FOCAD: variants seen among roughly 807,000 people sequenced by gnomAD.
FOCAD encodes the protein KIAA1797.
FOCAD carries 198 observed loss-of-function variants against 225.6 expected under a neutral mutation model. The observed-to-expected ratio is 0.88, with a 90% confidence interval of 0.78 to 0.99. The LOEUF (loss-of-function observed/expected upper bound fraction) is 0.99, where lower values mean the gene tolerates loss of function less well. Ranked by LOEUF, FOCAD falls within the 50% of genes least tolerant of loss-of-function variation. The pLI, the probability that FOCAD is intolerant of heterozygous loss-of-function variation, is 0.00. For missense variants in FOCAD, 2,713 were observed against 2,123.6 expected (o/e 1.28, Z -5.46); for synonymous variants, 897 against 755.0 (o/e 1.19, Z -3.08).
chr9:20,985,410 A>T (rs1319842484), intron 39 of FOCAD, among the ~76,000 whole-genome samples: 13 of 152,352 alleles, frequency 8.5e-5, no homozygotes, highest in Admixed American at 3.9e-4. Flanking sequence ...ATTTTCCAAA[A>T]ATCTAATTTT....
At chr9:20,844,738 G>A (rs570394156) in intron 15 of FOCAD, among the ~76,000 whole-genome samples, 3 of 151,906 alleles carry the variant, frequency 2.0e-5, no homozygotes, top group South Asian at 2.1e-4. Context: ...AGTCACTTTG[G>A]GTATTTAGAG....
At chr9:20,774,874 A>G (rs916576240) in intron 8 of FOCAD, among the ~76,000 whole-genome samples, 2 of 152,196 alleles carry the variant, frequency 1.3e-5, no homozygotes, top group South Asian at 2.1e-4. Context: ...CTGTTGAAAT[A>G]TTTGTGTAAT....
At chr9:20,708,925 C>T (rs1824610035) in intron 1 of FOCAD, among the ~76,000 whole-genome samples, 1 of 152,166 alleles carries the variant, frequency 6.6e-6, no homozygotes, top group Non-Finnish European at 1.5e-5. Flanking sequence ...CCTCCAACTA[C>T]CTTGTATATC....
chr9:20,934,439 C>T (rs894318457), intron 28 of FOCAD, among the ~76,000 whole-genome samples: 3 of 151,834 alleles, frequency 2.0e-5, no homozygotes, highest in African/African-American at 7.3e-5. Context: ...ATGTAGCTTG[C>T]CAATTAAGCT....
At chr9:20,994,221 C>T (rs1230645898) in intron 43 of FOCAD, among the ~76,000 whole-genome samples, 2 of 152,236 alleles carry the variant, frequency 1.3e-5, no homozygotes, top group African/African-American at 4.8e-5. Context: ...TTTTGTACTT[C>T]TCTACCGACT....
chr9:20,819,747 AC>A, intron 11 of FOCAD, 48 bp from the exon 12 acceptor site: 1 of 955,924 alleles, frequency 1.0e-6, no homozygotes. Flanking sequence ...ATTATATATT[AC>A]TTTTTTGTAA....
At chr9:20,750,940 T>C (rs1243838276) in intron 5 of FOCAD, among the ~76,000 whole-genome samples, 1 of 152,144 alleles carries the variant, frequency 6.6e-6, no homozygotes. Flanking sequence ...GTTAGGGTTT[T>C]AATGGGTGGC....
chr9:20,901,192 A>AGTGTGTGTGTGTG (rs1832528693), intron 21 of FOCAD, among the ~76,000 whole-genome samples: 5 of 105,678 alleles, frequency 4.7e-5, no homozygotes, highest in African/African-American at 1.6e-4. Context: ...TGTGGAAACA[A>AGTGTGTGTGTGTG]TGTGTGTGTG....
chr9:20,808,473 A>G (rs977616558), intron 11 of FOCAD, among the ~76,000 whole-genome samples: 1 of 152,228 alleles, frequency 6.6e-6, no homozygotes, highest in Non-Finnish European at 1.5e-5. Flanking sequence ...AGTGACAAAC[A>G]GTACTTCGAG....
chr9:20,976,964 T>C (rs1364584455), intron 36 of FOCAD, among the ~76,000 whole-genome samples: 1 of 152,214 alleles, frequency 6.6e-6, no homozygotes, highest in African/African-American at 2.4e-5. Flanking sequence ...TTATTATCTT[T>C]ACATGTCCAT....
intron 35 of FOCAD, among the ~76,000 whole-genome samples, chr9:20,961,998 G>C (rs945861361): frequency 5.3e-5 from 8 of 151,986 alleles, no homozygotes; most frequent in African/African-American, 1.5e-4. Flanking sequence ...TTCTTTCAGG[G>C]GGCTAGGCAT....
chr9:20,927,755 G>A (rs1319687821), intron 26 of FOCAD: 1 of 152,048 alleles, frequency 6.6e-6, no homozygotes, highest in Non-Finnish European at 1.5e-5. Context: ...AGTGGCAGAG[G>A]ATTATAGTTA....
intron 4 of FOCAD, among the ~76,000 whole-genome samples, chr9:20,721,720 T>C (rs550869521): frequency 6.6e-6 from 1 of 151,944 alleles, no homozygotes; most frequent in South Asian, 2.1e-4. Flanking sequence ...CAACAAAAAT[T>C]TGTGGAAAGA....
chr9:20,807,876 C>T (rs1026598084), intron 11 of FOCAD, among the ~76,000 whole-genome samples: 1 of 151,998 alleles, frequency 6.6e-6, no homozygotes, highest in African/African-American at 2.4e-5. Context: ...ACAGTGAAAC[C>T]CTGTCTCTAA....
chr9:20,927,004 A>G (rs921305640), intron 26 of FOCAD, among the ~76,000 whole-genome samples: 1 of 128,162 alleles, frequency 7.8e-6, no homozygotes, highest in Non-Finnish European at 1.7e-5. Context: ...ATATAATGTG[A>G]AATATATATG....
At chr9:20,787,623 T>A (rs540520620) in intron 10 of FOCAD, among the ~76,000 whole-genome samples, 9 of 152,200 alleles carry the variant, frequency 5.9e-5, no homozygotes, top group Non-Finnish European at 1.3e-4. Context: ...TAGTAATATA[T>A]TCAAATGGTT....
At chr9:20,678,230 A>G (rs186798996) in intron 2 of FOCAD, among the ~76,000 whole-genome samples, 4 of 152,326 alleles carry the variant, frequency 2.6e-5, no homozygotes, top group East Asian at 1.9e-4. Flanking sequence ...ATGTATGTCA[A>G]TATTAGTAAG....
intron 10 of FOCAD, among the ~76,000 whole-genome samples, chr9:20,785,346 T>G (rs999584797): frequency 1.3e-5 from 2 of 152,198 alleles, no homozygotes; most frequent in African/African-American, 2.4e-5. Context: ...TAGAACATTT[T>G]TATTTTTATT....
rs1449118253 is a variant in FOCAD, at chr9:20,862,650, A to C, written c.1993A>C (p.Lys665Gln). ...LSCDTRPLIL[K>Q]TLSELFSLVP... is the part of the protein sequence containing the mutation. Reference sequence around the variant, plus strand: ...TTGTGACACAAGACCTCTCATTCTGAAGACACTGAGTGAACTATTTTCTCT... The same window carrying C: ...TTGTGACACAAGACCTCTCATTCTGCAGACACTGAGTGAACTATTTTCTCT... Residue 665 changes from lysine to glutamine, a missense_variant, in exon 16 of 44, where the codon AAG (lysine) becomes CAG (glutamine). Transcript: ENST00000338382. The C allele has an allele frequency of 1.9e-6, 3 of 1,613,644 alleles. No individual in the cohort carries two copies. The East Asian group carries it at 6.7e-5, about 36-fold the overall frequency.
Sources: allele counts gnomAD v4.1 joint callset (sites outside exome capture counted in the v4.1 genomes callset), GRCh38; gene constraint gnomAD v4.1.1; transcripts MANE v1.5; gene names NCBI Gene and HGNC (gene_info 2026-07-23, HGNC 2026-07-21).